MPPED2: variants seen among roughly 807,000 people sequenced by gnomAD.
MPPED2 encodes metallophosphoesterase MPPED2.
In MPPED2, 5 loss-of-function variants were observed where a neutral mutation model predicts 33.0. The ratio of observed to expected loss-of-function variants is 0.15; its 90% CI spans 0.08 to 0.32. The LOEUF (loss-of-function observed/expected upper bound fraction) is 0.32, where lower values mean the gene tolerates loss of function less well. Ranked by LOEUF, MPPED2 falls within the 10% of genes least tolerant of loss-of-function variation. MPPED2 has a pLI of 1.00. For missense variants in MPPED2, 275 were observed against 372.1 expected, an observed-to-expected ratio of 0.74 and a Z score of 2.15; for synonymous variants, 136 against 141.9, an observed-to-expected ratio of 0.96 and a Z score of 0.29.
intron 3 of MPPED2, among the ~76,000 whole-genome samples, chr11:30,534,963 A>G (rs1290623998): frequency 6.6e-6 from 1 of 152,196 alleles, no homozygotes; most frequent in African/African-American, 2.4e-5. Context: ...TATTAAATGA[A>G]AACAGCCAAA....
intron 4 of MPPED2, among the ~76,000 whole-genome samples, chr11:30,492,955 A>G (rs1952049498): frequency 6.6e-6 from 1 of 152,192 alleles, no homozygotes; most frequent in Non-Finnish European, 1.5e-5. Context: ...TGAGGATTAA[A>G]TAAGATGACA....
At chr11:30,436,911 T>G (rs926980097) in intron 4 of MPPED2, among the ~76,000 whole-genome samples, 1 of 152,160 alleles carries the variant, frequency 6.6e-6, no homozygotes, top group Non-Finnish European at 1.5e-5. Flanking sequence ...TAGAGATAAA[T>G]AAAGACATCA....
At chr11:30,409,167 G>C (rs1565037888), downstream of MPPED2, among the ~76,000 whole-genome samples, 2 of 152,088 alleles carry the variant, frequency 1.3e-5, no homozygotes, top group Non-Finnish European at 2.9e-5. Flanking sequence ...CCTATCTCTG[G>C]GAGGCTTGTT....
chr11:30,394,529 T>C (rs1167674565), intron 6 of MPPED2, among the ~76,000 whole-genome samples: 1 of 152,168 alleles, frequency 6.6e-6, no homozygotes, highest in Non-Finnish European at 1.5e-5. Flanking sequence ...GCTAATAAGG[T>C]CGGAAATCTT....
At chr11:30,466,801 G>A (rs1590391441) in intron 4 of MPPED2, among the ~76,000 whole-genome samples, 1 of 152,240 alleles carries the variant, frequency 6.6e-6, no homozygotes, top group East Asian at 1.9e-4. Context: ...AAATGCATTT[G>A]GAAGAGATAA....
chr11:30,459,570 G>C (rs911969142), intron 4 of MPPED2, among the ~76,000 whole-genome samples: 7 of 152,168 alleles, frequency 4.6e-5, no homozygotes, highest in Admixed American at 2.6e-4. Flanking sequence ...CACATGATAA[G>C]GGGAGGCCTT....
At position 30,416,732 on chromosome 11, in the gene MPPED2, G is replaced by A. The variant is rs111759411; in HGVS notation, c.652+786C>T. 1.7e-3 allele frequency among the ~76,000 whole-genome samples: 254 copies of A among 152,316 alleles called. 2 individuals carry two copies. The highest frequency in any genetic ancestry group is 5.7e-3 in the African/African-American group (237 of 41,572). On this transcript the variant is annotated intron_variant, in intron 5 of 6. Transcript: ENST00000358117. ...AAAGTGAAACATCTGAATTTCTTGA[G>A]CACACCTTAGTCATTTAGAAAGGGT...
intron 4 of MPPED2, among the ~76,000 whole-genome samples, chr11:30,422,017 T>C (rs1442166125): frequency 6.6e-6 from 1 of 152,176 alleles, no homozygotes; most frequent in Non-Finnish European, 1.5e-5. Context: ...AAATGGGGCA[T>C]ACAGAAGTGG....
chr11:30,413,657 G>A (rs567051653), intron 6 of MPPED2, among the ~76,000 whole-genome samples: 2 of 152,180 alleles, frequency 1.3e-5, no homozygotes, highest in Admixed American at 1.3e-4. Context: ...TGAGAAGTCT[G>A]AAATAGTTTT....
intron 2 of MPPED2, among the ~76,000 whole-genome samples, chr11:30,550,071 T>G (rs1955626402): frequency 6.6e-6 from 1 of 152,164 alleles, no homozygotes; most frequent in African/African-American, 2.4e-5. Flanking sequence ...ACTCAACATT[T>G]TAATGGGCAA....
chr11:30,390,875 T>C (rs528951445), intron 6 of MPPED2, among the ~76,000 whole-genome samples: 2 of 152,224 alleles, frequency 1.3e-5, no homozygotes, highest in East Asian at 3.9e-4. Flanking sequence ...TCTTATCTTC[T>C]AGTCAATGAG....
chr11:30,560,032 T>G (rs1426781943), intron 2 of MPPED2, among the ~76,000 whole-genome samples: 2 of 152,234 alleles, frequency 1.3e-5, no homozygotes, highest in Non-Finnish European at 2.9e-5. Flanking sequence ...ATCTAAGAAC[T>G]CATACCTTTG....
At chr11:30,506,212 T>C (rs1334473230) in intron 3 of MPPED2, among the ~76,000 whole-genome samples, 1 of 152,056 alleles carries the variant, frequency 6.6e-6, no homozygotes, top group Non-Finnish European at 1.5e-5. Flanking sequence ...TAATTTTTTA[T>C]ATTTTTAGTA....
intron 4 of MPPED2, among the ~76,000 whole-genome samples, chr11:30,467,278 A>G (rs1029394219): frequency 2.0e-5 from 3 of 152,086 alleles, no homozygotes; most frequent in Non-Finnish European, 4.4e-5. Context: ...ATTAAGCAGG[A>G]GGGGGATTCC....
Position 30,550,869 on chromosome 11 carries a change from T to C in MPPED2, c.129-14694A>G, listed in dbSNP as rs1955676808. ...GTGATTGAGTATAATTCACTCAACT[T>C]GTTCTATGCAAACTGGACTTGTGTT... On this transcript the variant is annotated intron_variant, in intron 2 of 6. Transcript: ENST00000358117. 2.6e-5 allele frequency among the ~76,000 whole-genome samples: 4 copies of C among 152,344 alleles called. No individual in the cohort carries two copies. In the South Asian group the frequency reaches 8.3e-4, roughly 32 times the overall value.
intron 2 of MPPED2, among the ~76,000 whole-genome samples, chr11:30,566,744 A>G (rs1956460955): frequency 6.6e-6 from 1 of 152,188 alleles, no homozygotes; most frequent in South Asian, 2.1e-4. Context: ...AAAAATAAAT[A>G]AAACGAAAAA....
chr11:30,454,303 G>A (rs1950186410), intron 4 of MPPED2, among the ~76,000 whole-genome samples: 1 of 152,160 alleles, frequency 6.6e-6, no homozygotes. Flanking sequence ...ATAAATGGCT[G>A]TCTAACATCC....
intron 4 of MPPED2, among the ~76,000 whole-genome samples, chr11:30,422,205 G>A (rs1360413274): frequency 6.6e-6 from 1 of 152,186 alleles, no homozygotes; most frequent in East Asian, 1.9e-4. Context: ...GAAATGCAAT[G>A]CACAAAGCAG....
intron 3 of MPPED2, among the ~76,000 whole-genome samples, chr11:30,506,241 G>A (rs746397392): frequency 1.2e-4 from 18 of 152,030 alleles, no homozygotes; most frequent in Non-Finnish European, 2.2e-4. Context: ...GTTTCGCAAT[G>A]TTGGCCAGGC....
Sources: gnomAD v4.1 joint callset for allele counts (sites outside exome capture counted in the v4.1 genomes callset) on GRCh38, gnomAD v4.1.1 for gene constraint, MANE v1.5 for transcripts, NCBI Gene and HGNC (gene_info 2026-07-23, HGNC 2026-07-21) for gene names.